Variants in DOCK11 observed in about 807,000 individuals in gnomAD.
DOCK11 encodes the protein dedicator of cytokinesis 11.
DOCK11 carries 70 observed loss-of-function variants against 169.1 expected under a neutral mutation model. The observed-to-expected ratio is 0.41, with a 90% confidence interval of 0.34 to 0.51. The LOEUF is 0.51. Among genes scored for constraint, DOCK11 ranks in the 20% least tolerant of loss-of-function variants. The pLI is 0.10. For missense variants in DOCK11, 1,166 were observed against 1,538.8 expected (o/e 0.76, Z 4.05); for synonymous variants, 529 against 541.3 (o/e 0.98, Z 0.32).
At chrX:118,577,281 C>T (rs1230488328) in intron 12 of DOCK11, among the ~76,000 whole-genome samples, 2 of 112,244 alleles carry the variant, frequency 1.8e-5, no homozygotes, top group Non-Finnish European at 3.8e-5. Flanking sequence ...CCTCACAGCT[C>T]AAACAGCATG....
At chrX:118,574,667 T>C (rs749313283) in intron 12 of DOCK11, among the ~76,000 whole-genome samples, 14 of 112,071 alleles carry the variant, frequency 1.2e-4, no homozygotes, top group Admixed American at 1.2e-3. Flanking sequence ...AGTTTTGGTT[T>C]TTAAGAAAAA....
chrX:118,621,922 C>T (rs140138662), intron 31 of DOCK11, among the ~76,000 whole-genome samples: 1,852 of 111,341 alleles, frequency 0.017, 24 homozygotes, highest in Middle Eastern at 0.037. Flanking sequence ...TGCGAGACAC[C>T]GTGCCCAGCC....
At chrX:118,628,670 G>T in intron 34 of DOCK11, among the ~76,000 whole-genome samples, 1 of 111,755 alleles carries the variant, frequency 8.9e-6, no homozygotes, top group Non-Finnish European at 1.9e-5. Flanking sequence ...AAAAATATAG[G>T]TCCCAAAATT....
intron 35 of DOCK11, among the ~76,000 whole-genome samples, chrX:118,631,660 A>G (rs771317641): frequency 9.0e-6 from 1 of 111,150 alleles, no homozygotes; most frequent in South Asian, 3.8e-4. Context: ...AAGAGGCCCA[A>G]TCTTTATCTG....
chrX:118,592,708 G>A (rs1402100800), intron 19 of DOCK11, among the ~76,000 whole-genome samples: 1 of 112,154 alleles, frequency 8.9e-6, no homozygotes, highest in Admixed American at 9.4e-5. Context: ...GCAAAGTTGT[G>A]TTTTTCTTCT....
chrX:118,514,030 G>T (rs2057666909), intron 1 of DOCK11, among the ~76,000 whole-genome samples: 1 of 111,580 alleles, frequency 9.0e-6, no homozygotes, highest in African/African-American at 3.3e-5. Flanking sequence ...CCACGTCAAT[G>T]GTGGGAACAA....
intron 40 of DOCK11, among the ~76,000 whole-genome samples, chrX:118,648,208 TATA>T (rs2015841337): frequency 1.8e-5 from 1 of 56,454 alleles, no homozygotes; most frequent in African/African-American, 1.0e-4. Flanking sequence ...TATATAATAT[TATA>T]ATATTATATA....
rs202060296 is a variant in DOCK11, at chrX:118,568,180, C to G, written c.1035+18C>G. On this transcript the variant is annotated intron_variant, in intron 10 of 52. Coordinates refer to ENST00000276202, the MANE Select transcript of DOCK11 (RefSeq NM_144658.4). ...AAGTTCAGGTATTAATGATACATTTCTTTAATAGTCCTAGAATTATTGCTT... is the reference window on the plus strand; with the variant it reads ...AAGTTCAGGTATTAATGATACATTTGTTTAATAGTCCTAGAATTATTGCTT... The G allele has an allele frequency of 6.6e-4, 641 of 969,820 alleles. 3 individuals are homozygous for G. In the South Asian group the frequency reaches 8.2e-3, roughly 12 times the overall value. 79.9% of individuals were successfully genotyped at this position (969,820 alleles called of 1,213,427 possible).
rs1250103760 is a variant in DOCK11 at position 118,685,975 on chromosome X, A to C, written c.*168A>C. Reference sequence around the variant, plus strand: ...ACATATTTGTAAATAAGCAACTTGAAAGTGCCTGGAAAATTGCACCACTGT... The same window carrying C: ...ACATATTTGTAAATAAGCAACTTGACAGTGCCTGGAAAATTGCACCACTGT... On this transcript the variant is annotated 3_prime_UTR_variant, in exon 53 of 53. Transcript: ENST00000276202. 1.7e-6 allele frequency: 1 copy of C among 582,876 alleles called. No homozygotes were observed. The highest frequency in any genetic ancestry group is 2.3e-5 in the African/African-American group (1 of 43,086). 48.0% of individuals were successfully genotyped at this position (582,876 alleles called of 1,213,427 possible).
At chrX:118,631,535 T>G (rs2015242426) in intron 35 of DOCK11, among the ~76,000 whole-genome samples, 2 of 112,110 alleles carry the variant, frequency 1.8e-5, no homozygotes, top group Non-Finnish European at 3.8e-5. Context: ...GTTCTAAAAC[T>G]GTGGTGAAGG....
At chrX:118,520,192 A>G (rs768432149) in intron 1 of DOCK11, among the ~76,000 whole-genome samples, 3 of 112,134 alleles carry the variant, frequency 2.7e-5, no homozygotes, top group East Asian at 2.8e-4. Flanking sequence ...GGAAACCAAT[A>G]TGATATTGGT....
intron 44 of DOCK11, among the ~76,000 whole-genome samples, chrX:118,656,976 C>G (rs1425438297): frequency 2.7e-5 from 3 of 111,853 alleles, no homozygotes; most frequent in Non-Finnish European, 5.6e-5. Context: ...TTTATGTCCA[C>G]TAAGTCTAAA....
At chrX:118,578,250 C>T (rs1371934797) in intron 12 of DOCK11, among the ~76,000 whole-genome samples, 2 of 111,771 alleles carry the variant, frequency 1.8e-5, no homozygotes, top group African/African-American at 3.3e-5. Flanking sequence ...GTACTCACTT[C>T]GCATACACAA....
At chrX:118,665,231 G>A (rs760574321) in intron 45 of DOCK11, among the ~76,000 whole-genome samples, 37 of 112,422 alleles carry the variant, frequency 3.3e-4, no homozygotes, top group African/African-American at 1.2e-3. Flanking sequence ...GAACCTACAA[G>A]GATAGATACT....
rs570844267 is a variant in DOCK11, at chrX:118,626,065, C to CT, written c.3589-1421dup. On this transcript the variant is annotated intron_variant, in intron 32 of 52. Transcript: ENST00000276202. ...CTAATCTGTCATTCCAAATCCTTTA[C>CT]TTTTTTTTTTTTTTTTTTGAGACAG... Among the ~76,000 whole-genome samples, 400 of 92,609 alleles carry CT rather than the reference C, an allele frequency of 4.3e-3. 4 individuals are homozygous for CT. The highest frequency in any genetic ancestry group is 9.1e-3 in the South Asian group (18 of 1,977). 80.4% of individuals were successfully genotyped at this position (92,609 alleles called of 115,157 possible).
intron 10 of DOCK11, 100 bp downstream of exon 10, chrX:118,568,262 G>T: frequency 2.1e-6 from 1 of 472,281 alleles, no homozygotes; most frequent in East Asian, 4.6e-5. Context: ...TGCACCAGTG[G>T]GGAATATAGA....
chrX:118,543,462 A>G (rs1828995110), intron 3 of DOCK11, 49 bp from the exon 4 acceptor site: 1 of 1,032,029 alleles, frequency 9.7e-7, no homozygotes, highest in Non-Finnish European at 1.4e-6. Context: ...AAGTGGATAT[A>G]TATGTACTTT....
chrX:118,671,608 G>A (rs2016473547), intron 46 of DOCK11, among the ~76,000 whole-genome samples: 1 of 111,855 alleles, frequency 8.9e-6, no homozygotes, highest in Non-Finnish European at 1.9e-5. Flanking sequence ...ATTCATTTAT[G>A]TTTTCCAAAT....
chrX:118,647,136 GATATGTGT>G (rs1456643430), intron 40 of DOCK11, among the ~76,000 whole-genome samples: 3 of 76,921 alleles, frequency 3.9e-5, no homozygotes, highest in Non-Finnish European at 7.4e-5. Context: ...ATGTGAAGAG[GATATGTGT>G]GTGTGTGTGT....
Sources: allele counts gnomAD v4.1 joint callset (sites outside exome capture counted in the v4.1 genomes callset), GRCh38; gene constraint gnomAD v4.1.1; transcripts MANE v1.5; gene names NCBI Gene and HGNC (gene_info 2026-07-23, HGNC 2026-07-21).